Variants in ASAP2 observed in about 807,000 individuals in gnomAD.
ASAP2 encodes ArfGAP with SH3 domain, ankyrin repeat and PH domain 2.
In ASAP2, 45 loss-of-function variants were observed where a neutral mutation model predicts 131.4. The ratio of observed to expected loss-of-function variants is 0.34; its 90% CI spans 0.27 to 0.44. ASAP2 has a LOEUF of 0.44. Ranked by LOEUF, ASAP2 falls within the 20% of genes least tolerant of loss-of-function variation. The pLI is 1.00. For missense variants in ASAP2, 1,011 were observed against 1,297.0 expected (o/e 0.78, Z 3.39); for synonymous variants, 510 against 503.0 (o/e 1.01, Z -0.19).
chr2:9,294,757 G>A (rs1440966452), intron 2 of ASAP2, among the ~76,000 whole-genome samples: 2 of 152,204 alleles, frequency 1.3e-5, no homozygotes, highest in South Asian at 4.1e-4. Flanking sequence ...AGAGTCTTCA[G>A]CTTCTCTCCT....
At chr2:9,224,305 C>T (rs1662618455) in intron 1 of ASAP2, among the ~76,000 whole-genome samples, 1 of 152,092 alleles carries the variant, frequency 6.6e-6, no homozygotes, top group Admixed American at 6.5e-5. Context: ...GTTTGCAGTT[C>T]TTAGTTTTCC....
At chr2:9,333,007 T>C (rs1401078465) in intron 7 of ASAP2, among the ~76,000 whole-genome samples, 3 of 152,254 alleles carry the variant, frequency 2.0e-5, no homozygotes, top group African/African-American at 7.2e-5. Context: ...CCACGGCCTG[T>C]GTGTCCCTCT....
At chr2:9,280,376 A>C (rs1667055348) in intron 2 of ASAP2, among the ~76,000 whole-genome samples, 2 of 151,258 alleles carry the variant, frequency 1.3e-5, no homozygotes, top group Admixed American at 6.6e-5. Context: ...CACCAGTTAC[A>C]ATAGGGCGGG....
intron 16 of ASAP2, among the ~76,000 whole-genome samples, chr2:9,373,716 C>T (rs74416428): frequency 0.029 from 4,361 of 152,290 alleles, 205 homozygotes; most frequent in African/African-American, 0.1. Context: ...GGGGAGCAGC[C>T]GCATTTGTCC....
rs543835095 is a variant in ASAP2 at position 9,403,865 on chromosome 2, A to C, written c.*538A>C. On this transcript the variant is annotated 3_prime_UTR_variant, in exon 28 of 28. Transcript: ENST00000281419. ...GCAACTTGGAAATTTACACATTAGC[A>C]TTGTACTTTCTAGCCCTAATTTGTG... The C allele has an allele frequency of 6.5e-6, 1 of 154,950 alleles. No individual in the cohort carries two copies. Among genetic ancestry groups the C allele is most frequent in the South Asian group, 2.0e-4 (1 of 4,976 alleles). 9.6% of individuals were successfully genotyped at this position (154,950 alleles called of 1,614,324 possible). A position where few individuals can be genotyped will look rare whatever the true frequency, so the allele number is the denominator to read the frequency against.
intron 24 of ASAP2, among the ~76,000 whole-genome samples, chr2:9,394,922 C>A (rs1424478667): frequency 2.0e-5 from 3 of 152,158 alleles, no homozygotes; most frequent in Non-Finnish European, 4.4e-5. Context: ...CTCTTCACGC[C>A]CCCCGTGGTA....
intron 12 of ASAP2, among the ~76,000 whole-genome samples, chr2:9,352,528 G>A (rs972456624): frequency 2.0e-5 from 3 of 152,150 alleles, no homozygotes; most frequent in African/African-American, 7.2e-5. Context: ...TGCTCCACAG[G>A]GAGACCCTGC....
chr2:9,324,070 A>G (rs1056244652), intron 6 of ASAP2, among the ~76,000 whole-genome samples: 1 of 152,224 alleles, frequency 6.6e-6, no homozygotes, highest in Non-Finnish European at 1.5e-5. Context: ...CTTAGGTTTC[A>G]AATGTACACA....
chr2:9,284,626 TG>T (rs1277200677), intron 2 of ASAP2, among the ~76,000 whole-genome samples: 2 of 152,196 alleles, frequency 1.3e-5, no homozygotes, highest in East Asian at 3.8e-4. Context: ...CATGAAAAAG[TG>T]CCATGCATGG....
intron 1 of ASAP2, among the ~76,000 whole-genome samples, chr2:9,261,916 A>C (rs778257789): frequency 1.3e-5 from 2 of 152,348 alleles, no homozygotes; most frequent in Non-Finnish European, 2.9e-5. Flanking sequence ...TCAGTGTTCA[A>C]GAGAGAGGCC....
At chr2:9,397,960 A>G (rs1676303860) in intron 24 of ASAP2, among the ~76,000 whole-genome samples, 1 of 150,820 alleles carries the variant, frequency 6.6e-6, no homozygotes, top group South Asian at 2.1e-4. Flanking sequence ...AGGTTTCAGC[A>G]TGTTAGCCAA....
chr2:9,315,387 G>A (rs1463528043), intron 3 of ASAP2, among the ~76,000 whole-genome samples: 1 of 152,198 alleles, frequency 6.6e-6, no homozygotes, highest in Non-Finnish European at 1.5e-5. Flanking sequence ...TGGAGGGAAT[G>A]TTGGAAGACG....
At chr2:9,359,492 A>G (rs1049081846) in intron 15 of ASAP2, among the ~76,000 whole-genome samples, 22 of 152,368 alleles carry the variant, frequency 1.4e-4, no homozygotes, top group African/African-American at 5.3e-4. Flanking sequence ...CACAAGGTCC[A>G]TCAGACAGGG....
chr2:9,224,689 T>G (rs920040003), intron 1 of ASAP2, among the ~76,000 whole-genome samples: 1 of 152,240 alleles, frequency 6.6e-6, no homozygotes, highest in Non-Finnish European at 1.5e-5. Flanking sequence ...CTAACACTCC[T>G]CATTTATCAG....
At chr2:9,254,231 A>T (rs1382145803) in intron 1 of ASAP2, among the ~76,000 whole-genome samples, 1 of 104,106 alleles carries the variant, frequency 9.6e-6, no homozygotes, top group Non-Finnish European at 1.9e-5. Context: ...AAAAAAAAAA[A>T]AAAAAATATA....
At chr2:9,306,094 T>A (rs1444833362) in intron 3 of ASAP2, among the ~76,000 whole-genome samples, 1 of 22,290 alleles carries the variant, frequency 4.5e-5, no homozygotes, top group Non-Finnish European at 8.8e-5. Context: ...GTTATGGGGG[T>A]AGGGGCTGTG....
rs1229524853 is a variant in ASAP2, at chr2:9,311,983, T to C, written c.346-6541T>C. Reference sequence around the variant, plus strand: ...TTAGTGAAGCCATCGATGGGGATTCTATTTATATTTGTGAGATTTTCTTTA... The same window carrying C: ...TTAGTGAAGCCATCGATGGGGATTCCATTTATATTTGTGAGATTTTCTTTA... On this transcript the variant is annotated intron_variant, in intron 3 of 27. Transcript: ENST00000281419. This position sits in a 1 kb window ranked among gnomAD's most constrained non-coding sequence, Gnocchi z 5.2. 6.6e-6 allele frequency among the ~76,000 whole-genome samples: 1 copy of C among 152,254 alleles called. No homozygotes were observed. Among genetic ancestry groups the C allele is most frequent in the African/African-American group, 2.4e-5 (1 of 41,470 alleles).
At chr2:9,395,873 C>G (rs1380560847) in intron 24 of ASAP2, among the ~76,000 whole-genome samples, 1 of 151,952 alleles carries the variant, frequency 6.6e-6, no homozygotes, top group Non-Finnish European at 1.5e-5. Flanking sequence ...TCCCAAAGTG[C>G]TGGGATTACA....
rs1675461435 is a variant in ASAP2, at chr2:9,388,458, C to T, written c.2295C>T (p.Ala765=). The T allele has an allele frequency of 2.5e-6, 4 of 1,613,986 alleles. No individual in the cohort carries two copies. The highest frequency in any genetic ancestry group is 3.4e-6 in the Non-Finnish European group (4 of 1,180,014). Reference sequence around the variant, plus strand: ...TCTTGCAGAATGAGACTTACGGAGCCCTCCTGAGTGGCAGCCCACCTCCCG... The same window carrying T: ...TCTTGCAGAATGAGACTTACGGAGCTCTCCTGAGTGGCAGCCCACCTCCCG... ...PSILQNETYG[A]LLSGSPPPAQ... Residue 765 remains alanine (A), a synonymous_variant, in exon 22 of 28, where the codon GCC becomes GCT. Coordinates refer to ENST00000281419, the MANE Select transcript of ASAP2 (RefSeq NM_003887.3).
Sources: gnomAD v4.1 joint callset for allele counts (sites outside exome capture counted in the v4.1 genomes callset) on GRCh38, gnomAD v4.1.1 for gene constraint, Gnocchi (gnomAD v3.1) non-coding constraint, MANE v1.5 for transcripts, NCBI Gene and HGNC (gene_info 2026-07-23, HGNC 2026-07-21) for gene names.